PER2: variants seen among roughly 807,000 people sequenced by gnomAD.
The protein encoded by PER2 is period circadian regulator 2.
Under a neutral mutation model 121.0 loss-of-function variants are expected in PER2, and 66 were observed. The ratio of observed to expected loss-of-function variants is 0.55; its 90% confidence interval spans 0.45 to 0.67. The LOEUF (loss-of-function observed/expected upper bound fraction) is 0.67. PER2 is among the 30% of genes least tolerant of loss of function. The pLI, the probability that PER2 is intolerant of heterozygous loss-of-function variation, is 0.00. For synonymous variants in PER2, 684 were observed against 659.9 expected (o/e 1.04, Z -0.56); for missense variants, 1,521 against 1,635.0 (o/e 0.93, Z 1.20).
chr2:238,256,360 T>C (rs1287816957), intron 17 of PER2, among the ~76,000 whole-genome samples: 2 of 152,236 alleles, frequency 1.3e-5, no homozygotes, highest in Non-Finnish European at 2.9e-5. Flanking sequence ...AAGGGAGGGC[T>C]TGGGGACTGG....
intron 1 of PER2, among the ~76,000 whole-genome samples, chr2:238,278,893 G>A (rs1458976652): frequency 6.6e-6 from 1 of 152,228 alleles, no homozygotes; most frequent in African/African-American, 2.4e-5. Context: ...GGCACTCTGA[G>A]TGCCAGGCCC....
Position 238,258,493 on chromosome 2 carries a change from A to G in PER2, c.1775+4T>C, listed in dbSNP as rs74441481. ...TGGAGACTCGGCTGGAAATGCCGGCATACCTGATGACGCTGTCCAAGCAGC... is the reference window on the plus strand; with the variant it reads ...TGGAGACTCGGCTGGAAATGCCGGCGTACCTGATGACGCTGTCCAAGCAGC... On this transcript the variant is annotated splice_donor_region_variant and intron_variant, in intron 15 of 22. Transcript: ENST00000254657. 7 of 1,614,190 alleles carry G rather than the reference A, an allele frequency of 4.3e-6. No homozygotes were observed. The highest frequency in any genetic ancestry group is 5.1e-6 in the Non-Finnish European group (6 of 1,180,032).
chr2:238,268,183 G>T lies in PER2; in HGVS notation c.840C>A (p.His280Gln). Residue 280 changes from histidine to glutamine, a missense_variant, in exon 8 of 23, where the codon CAC becomes CAA. By Grantham distance (24) the His-to-Gln change is conservative. Coordinates refer to ENST00000254657, the MANE Select transcript of PER2 (RefSeq NM_022817.3). This position sits in a 1 kb window ranked among gnomAD's most constrained non-coding sequence, Gnocchi z 4.0. ...FFCRVSVRKS[H>Q]ENEIRYHPFR... ...AGGGGTGGTAGCGGATTTCATTCTC[G>T]TGGCTTTTCCGGACACTGCGGAGAA... 1 of 1,614,000 alleles carries T rather than the reference G, an allele frequency of 6.2e-7. No individual in the cohort carries two copies. The highest frequency in any genetic ancestry group is 1.3e-5 in the African/African-American group (1 of 75,052).
At chr2:238,272,423 C>T (rs559608085) in intron 5 of PER2, among the ~76,000 whole-genome samples, 34 of 152,356 alleles carry the variant, frequency 2.2e-4, no homozygotes, top group Admixed American at 9.8e-4. Flanking sequence ...CCACCATGGG[C>T]GCTCTACCTG....
At chr2:238,257,572 C>T (rs566810726) in intron 16 of PER2, among the ~76,000 whole-genome samples, 10 of 152,362 alleles carry the variant, frequency 6.6e-5, no homozygotes, top group African/African-American at 2.4e-4. Context: ...CTGCCAGGTA[C>T]AAGCCATTCT....
intron 18 of PER2, chr2:238,254,057 A>G (rs576305709): frequency 3.4e-6 from 1 of 296,676 alleles, no homozygotes; most frequent in African/African-American, 2.2e-5. Flanking sequence ...GCTGTTCCCC[A>G]GTATTTGGGG....
chr2:238,276,323 C>T (rs1469497834), intron 3 of PER2, among the ~76,000 whole-genome samples: 1 of 152,254 alleles, frequency 6.6e-6, no homozygotes, highest in African/African-American at 2.4e-5. Context: ...ATGTTTCTCG[C>T]TGGGAGACAA....
upstream of PER2, chr2:238,290,148 A>T (rs1696923402): frequency 6.6e-6 from 1 of 152,220 alleles, no homozygotes; most frequent in Non-Finnish European, 1.5e-5. Context: ...AACTTCTCAG[A>T]TGCAAACCAG....
At chr2:238,247,609 C>T (rs1434227146) in intron 22 of PER2, 1 of 152,366 alleles carries the variant, frequency 6.6e-6, no homozygotes, top group Non-Finnish European at 1.5e-5. Flanking sequence ...GGAAAACAGA[C>T]TCTAAGGCAG....
intron 18 of PER2, chr2:238,255,123 C>G (rs1476457220): frequency 5.9e-6 from 1 of 168,172 alleles, no homozygotes; most frequent in Admixed American, 5.7e-5. Context: ...TTCAACCCCC[C>G]AAGTGGCACC....
In PER2 at chr2:238,277,871, C is replaced by T. The variant is rs1168894871; in HGVS notation, c.66G>A (p.Gln22=). The change falls in exon 2 of 23, where the codon CAG becomes CAA. Residue 22 remains glutamine (Q), a synonymous_variant. Coordinates refer to ENST00000254657, the MANE Select transcript of PER2 (RefSeq NM_022817.3). The stretch of plus-strand genomic sequence containing the variant: ...CTTCCTGCAGTGGGACCTGGCTGGG[C>T]TGGGGCTCCACGGGCTCCTTGGTGG... The part of the protein sequence containing the change: ...SNPTKEPVEP[Q]PSQVPLQEDV... 5.0e-6 allele frequency: 8 copies of T among 1,614,186 alleles called. No homozygotes were observed. The highest frequency in any genetic ancestry group is 6.8e-6 in the Non-Finnish European group (8 of 1,180,040).
rs778886224 is a variant in PER2, at chr2:238,257,044, C to G, written c.1943G>C (p.Gly648Ala). The change falls in exon 17 of 23, where the codon GGT (glycine) becomes GCT (alanine). Residue 648 changes from glycine (G) to alanine (A), a missense_variant. Transcript: ENST00000254657. ...PSRVNSRTGV[G>A]THLTSLALPG... ...CAGTGCCAGCGAGGTCAGGTGCGTA[C>G]CTACTCCCGTGCGGCTGTTCACCCT... The G allele has an allele frequency of 6.2e-7, 1 of 1,613,400 alleles. No homozygotes were observed. The highest frequency in any genetic ancestry group is 8.5e-7 in the Non-Finnish European group (1 of 1,179,944).
At chr2:238,261,309 G>A (rs1247526640) in intron 12 of PER2, 4 of 393,684 alleles carry the variant, frequency 1.0e-5, no homozygotes, top group South Asian at 3.2e-5. Flanking sequence ...TGACAGGCAG[G>A]CGCCTACTCA....
upstream of PER2, among the ~76,000 whole-genome samples, chr2:238,292,613 G>T (rs1373367786): frequency 1.3e-5 from 2 of 151,812 alleles, no homozygotes; most frequent in African/African-American, 2.4e-5. Context: ...TTAGATGTTT[G>T]TTTTTTTATA....
At chr2:238,276,334 A>T (rs1227901925) in intron 3 of PER2, among the ~76,000 whole-genome samples, 1 of 152,238 alleles carries the variant, frequency 6.6e-6, no homozygotes, top group Non-Finnish European at 1.5e-5. Context: ...TGGGAGACAA[A>T]TTGTTCCTGG....
rs1696492016 is a variant in PER2, at chr2:238,277,557, C to G, written c.230+150G>C. ...GACAGGGCCTCGTTATGAGGAAGGA[C>G]AGACACTGGCACATTTTAGGTATTT... On this transcript the variant is annotated intron_variant, in intron 2 of 22. Coordinates refer to ENST00000254657, the MANE Select transcript of PER2 (RefSeq NM_022817.3). 13 of 936,842 alleles carry G rather than the reference C, an allele frequency of 1.4e-5. 1 individual carries two copies. The South Asian group carries it at 2.1e-4, about 15-fold the overall frequency. 58.0% of individuals were successfully genotyped at this position (936,842 alleles called of 1,614,324 possible).
At chr2:238,277,240 C>T (rs1192299265) in intron 2 of PER2, 47 bp from the exon 3 acceptor site, 5 of 1,215,590 alleles carry the variant, frequency 4.1e-6, no homozygotes, top group Non-Finnish European at 6.1e-6. Flanking sequence ...TTGTATGCTC[C>T]AGACACATCT....
rs182544767 is a variant in PER2, at chr2:238,279,731, G to C, written c.-19-1776C>G. Among the ~76,000 whole-genome samples, 263 of 152,316 alleles carry C rather than the reference G, an allele frequency of 1.7e-3. 1 individual carries two copies. Among genetic ancestry groups the C allele is most frequent in the Non-Finnish European group, 3.2e-3 (216 of 68,028 alleles). ...CCACCTCCTTCCCACCAGTACCCAC[G>C]TGAAATGACCAAGGATCATACAATT... On this transcript the variant is annotated intron_variant, in intron 1 of 22. Coordinates refer to ENST00000254657, the MANE Select transcript of PER2 (RefSeq NM_022817.3).
At chr2:238,249,256 AG>A (rs778358171) in intron 21 of PER2, 44 bp from the exon 22 acceptor site, 2 of 1,567,604 alleles carry the variant, frequency 1.3e-6, no homozygotes, top group Non-Finnish European at 8.8e-7. Flanking sequence ...AAATGTCTTA[AG>A]GGTATCTATT....
Sources: allele counts gnomAD v4.1 joint callset (sites outside exome capture counted in the v4.1 genomes callset), GRCh38; gene constraint gnomAD v4.1.1; non-coding constraint Gnocchi (gnomAD v3.1); transcripts MANE v1.5; gene names NCBI Gene and HGNC (gene_info 2026-07-23, HGNC 2026-07-21).